Variants in RAB21 observed in about 807,000 individuals in gnomAD.
The protein encoded by RAB21 is RAB21, member RAS oncogene family.
A neutral mutation model predicts 33.1 loss-of-function variants in RAB21; 13 were observed. That is an observed-to-expected ratio of 0.39 (90% confidence interval 0.26 to 0.62). The LOEUF is 0.62. Ranked by LOEUF, RAB21 falls within the 20% of genes least tolerant of loss-of-function variation. The pLI, the probability that RAB21 is intolerant of heterozygous loss-of-function variation, is 0.48. For missense variants in RAB21, 234 were observed against 279.1 expected (o/e 0.84, Z 1.15); for synonymous variants, 91 against 103.7 (o/e 0.88, Z 0.74).
chr12:71,785,988 A>C lies in RAB21; in HGVS notation c.*315A>C, dbSNP rs185728614. On this transcript the variant is annotated 3_prime_UTR_variant, in exon 7 of 7. Transcript: ENST00000261263. ...TTGATCTCGGCTCACTGCAAGCTCC[A>C]CCTCCCAGGTTCACGCCATTCTCCT... 1 of 178,876 alleles carries C rather than the reference A, an allele frequency of 5.6e-6. No homozygotes were observed. The highest frequency in any genetic ancestry group is 1.1e-5 in the Non-Finnish European group (1 of 88,182). The allele number at this position is 178,876 out of a possible 1,614,324, so 11.1% of individuals were successfully genotyped here. A position where few individuals can be genotyped will look rare whatever the true frequency, so the allele number is the denominator to read the frequency against.
chr12:71,787,752 C>T lies in RAB21; in HGVS notation c.*2079C>T, dbSNP rs1263959087. 6.6e-6 allele frequency: 1 copy of T among 152,038 alleles called. No homozygotes were observed. The highest frequency in any genetic ancestry group is 1.5e-5 in the Non-Finnish European group (1 of 68,014). The allele number at this position is 152,038 out of a possible 1,614,324, so 9.4% of individuals were successfully genotyped here. On this transcript the variant is annotated 3_prime_UTR_variant, in exon 7 of 7. Transcript: ENST00000261263. ...TTGAGGAAGTTGGGGTGGGAAGAGT[C>T]AGGGAGATAAGCTAAAATTGTCTTC...
In RAB21 at chr12:71,793,096, T is replaced by C. The variant is rs1883410900; in HGVS notation, c.*7423T>C. On this transcript the variant is annotated 3_prime_UTR_variant, in exon 7 of 7. Transcript: ENST00000261263. ...CAAATTGCTTTTCCAAATTTTGTGG[T>C]AGCAGTGAATAAACTGATGCCTCCT... 1 of 152,248 alleles carries C rather than the reference T, an allele frequency of 6.6e-6. No individual in the cohort carries two copies. The highest frequency in any genetic ancestry group is 2.1e-4 in the South Asian group (1 of 4,832). The allele number at this position is 152,248 out of a possible 1,614,324, so 9.4% of individuals were successfully genotyped here.
Position 71,757,155 on chromosome 12 carries a change from C to T in RAB21, c.159+1867C>T, listed in dbSNP as rs11178934. ...GATAACTTGAGTCTTGCCCTGTCGCCCAGGCTGAAGTGCAGCAATTTCCAC... is the reference window on the plus strand; with the variant it reads ...GATAACTTGAGTCTTGCCCTGTCGCTCAGGCTGAAGTGCAGCAATTTCCAC... On this transcript the variant is annotated intron_variant, in intron 1 of 6. Coordinates refer to ENST00000261263, the MANE Select transcript of RAB21 (RefSeq NM_014999.4). 2.0e-4 allele frequency among the ~76,000 whole-genome samples: 30 copies of T among 152,132 alleles called. No individual in the cohort carries two copies. The East Asian group carries it at 3.1e-3, about 16-fold the overall frequency.
rs1883214405 is a variant in RAB21, at chr12:71,782,377, A to C, written c.447-193A>C. The C allele has an allele frequency of 5.8e-6, 3 of 516,110 alleles. No homozygotes were observed. In the South Asian group the frequency reaches 1.2e-4, roughly 20 times the overall value. 32.0% of individuals were successfully genotyped at this position (516,110 alleles called of 1,614,324 possible). A position where few individuals can be genotyped will look rare whatever the true frequency, so the allele number is the denominator to read the frequency against. The stretch of plus-strand genomic sequence containing the variant: ...TTGAGTCCCAAATTAATCTATAAAA[A>C]TTTCGAGGCTTGTTATATTTGTGTT... On this transcript the variant is annotated intron_variant, in intron 5 of 6. Transcript: ENST00000261263.
chr12:71,771,101 C>T (rs1883035739), intron 3 of RAB21, among the ~76,000 whole-genome samples: 1 of 152,114 alleles, frequency 6.6e-6, no homozygotes, highest in Non-Finnish European at 1.5e-5. Context: ...GGACGGGTTC[C>T]TTTATTGTGA....
Position 71,788,082 on chromosome 12 carries a change from C to G in RAB21, c.*2409C>G, listed in dbSNP as rs1386068747. ...GGAGGATCACTTGAGGCCAGGATTTCAAATCCAGCCTAGGTAACACTGAGA... is the reference window on the plus strand; with the variant it reads ...GGAGGATCACTTGAGGCCAGGATTTGAAATCCAGCCTAGGTAACACTGAGA... On this transcript the variant is annotated 3_prime_UTR_variant, in exon 7 of 7. Transcript: ENST00000261263. 2.0e-5 allele frequency: 3 copies of G among 152,070 alleles called. No individual in the cohort carries two copies. Among genetic ancestry groups the G allele is most frequent in the Non-Finnish European group, 2.9e-5 (2 of 68,020 alleles). The allele number at this position is 152,070 out of a possible 1,614,324, so 9.4% of individuals were successfully genotyped here.
At chr12:71,770,254 C>T (rs977209743) in intron 2 of RAB21, among the ~76,000 whole-genome samples, 5 of 152,132 alleles carry the variant, frequency 3.3e-5, no homozygotes, top group Admixed American at 1.3e-4. Context: ...GGAACTTAAA[C>T]TTAGGGCAGA....
chr12:71,760,791 C>G (rs186430987), intron 1 of RAB21, among the ~76,000 whole-genome samples: 82 of 151,966 alleles, frequency 5.4e-4, no homozygotes, highest in African/African-American at 1.8e-3. Flanking sequence ...TTTAGAGTCC[C>G]AACTATAGAA....
At position 71,776,183 on chromosome 12, in the gene RAB21, A is replaced by G. The variant is rs115682275; in HGVS notation, c.391+2161A>G. 4.9e-3 allele frequency among the ~76,000 whole-genome samples: 746 copies of G among 152,356 alleles called. 8 individuals are homozygous for G. Among genetic ancestry groups the G allele is most frequent in the African/African-American group, 0.017 (711 of 41,574 alleles). ...GATCATCTTTCTGAAGATAGAAATT[A>G]CTAACACATACATAAAGTCAAGGAA... On this transcript the variant is annotated intron_variant, in intron 4 of 6. Transcript: ENST00000261263.
At chr12:71,779,514 GT>G (rs59796981) in intron 4 of RAB21, among the ~76,000 whole-genome samples, 5,274 of 152,190 alleles carry the variant, frequency 0.035, 304 homozygotes, top group African/African-American at 0.12. Context: ...TTAAAAACAA[GT>G]TTTATCACAT....
chr12:71,772,878 A>G (rs1470105229), intron 3 of RAB21, among the ~76,000 whole-genome samples: 1 of 152,224 alleles, frequency 6.6e-6, no homozygotes, highest in African/African-American at 2.4e-5. Context: ...CTTTGCTTTT[A>G]TAAGGATTTT....
chr12:71,799,177 G>T lies in RAB21; in HGVS notation c.*13504G>T, dbSNP rs146532193. On this transcript the variant is annotated 3_prime_UTR_variant, in exon 7 of 7. Transcript: ENST00000261263. The stretch of plus-strand genomic sequence containing the variant: ...TCCAGCTTCCCAGGAGTGAAAGGTT[G>T]TAGTGGCTGGCCTCTGGTTCCCAGC... 1.8e-3 allele frequency: 277 copies of T among 152,340 alleles called. 1 individual carries two copies. The highest frequency in any genetic ancestry group is 2.8e-3 in the Non-Finnish European group (192 of 68,034). 9.4% of individuals were successfully genotyped at this position (152,340 alleles called of 1,614,324 possible). A position where few individuals can be genotyped will look rare whatever the true frequency, so the allele number is the denominator to read the frequency against.
In RAB21 at chr12:71,791,993, T is replaced by TAA. The variant is rs1483425744; in HGVS notation, c.*6321_*6322insAA. ...AATCCTCCCACCTCAGACTTCGAAG[T>TAA]AGCTGGTATTACAGGTGCATAACAC... On this transcript the variant is annotated 3_prime_UTR_variant, in exon 7 of 7. Coordinates refer to ENST00000261263, the MANE Select transcript of RAB21 (RefSeq NM_014999.4). The TAA allele has an allele frequency of 2.6e-5, 4 of 152,168 alleles. No homozygotes were observed. Among genetic ancestry groups the TAA allele is most frequent in the African/African-American group, 9.7e-5 (4 of 41,420 alleles). 9.4% of individuals were successfully genotyped at this position (152,168 alleles called of 1,614,324 possible).
chr12:71,755,436 C>A, intron 1 of RAB21, 148 bp downstream of exon 1: 1 of 1,015,180 alleles, frequency 9.9e-7, no homozygotes, highest in Non-Finnish European at 1.3e-6. Context: ...CGAATTCGCC[C>A]TGGGGAATCA....
rs1455637724 is a variant in RAB21 at position 71,786,064 on chromosome 12, G to C, written c.*391G>C. ...CTATAGGCGCCCACCACGACGCCCG[G>C]CTAATTTTTTGTATTTTTAGTAGAG... On this transcript the variant is annotated 3_prime_UTR_variant, in exon 7 of 7. Transcript: ENST00000261263. 6.4e-6 allele frequency: 1 copy of C among 155,950 alleles called. No homozygotes were observed. The allele number at this position is 155,950 out of a possible 1,614,324, so 9.7% of individuals were successfully genotyped here.
chr12:71,788,037 CT>C lies in RAB21; in HGVS notation c.*2365del, dbSNP rs1883320867. On this transcript the variant is annotated 3_prime_UTR_variant, in exon 7 of 7. Transcript: ENST00000261263. Reference sequence around the variant, plus strand: ...CAGAGGCATGCATTTGTAGGGCCAGCTACTTGGGAGAGTGAGGCAGGAGGAT... The same window carrying C: ...CAGAGGCATGCATTTGTAGGGCCAGCACTTGGGAGAGTGAGGCAGGAGGAT... 1 of 152,108 alleles carries C rather than the reference CT, an allele frequency of 6.6e-6. No individual in the cohort carries two copies. Among genetic ancestry groups the C allele is most frequent in the Non-Finnish European group, 1.5e-5 (1 of 68,028 alleles). The allele number at this position is 152,108 out of a possible 1,614,324, so 9.4% of individuals were successfully genotyped here. A position where few individuals can be genotyped will look rare whatever the true frequency, so the allele number is the denominator to read the frequency against.
At chr12:71,759,113 T>G (rs1025685530) in intron 1 of RAB21, among the ~76,000 whole-genome samples, 7 of 152,248 alleles carry the variant, frequency 4.6e-5, no homozygotes, top group African/African-American at 1.4e-4. Context: ...TTCTTTTGTT[T>G]CTAATATACT....
At chr12:71,767,795 C>T (rs2137645318) in intron 1 of RAB21, among the ~76,000 whole-genome samples, 1 of 152,272 alleles carries the variant, frequency 6.6e-6, no homozygotes, top group South Asian at 2.1e-4. Context: ...TCGGTTCAGT[C>T]TTTCTTACAT....
In RAB21 at chr12:71,769,878, C is replaced by G; in HGVS notation, c.219+19C>G. The G allele has an allele frequency of 7.7e-7, 1 of 1,291,208 alleles. No homozygotes were observed. Among genetic ancestry groups the G allele is most frequent in the African/African-American group, 1.6e-5 (1 of 64,328 alleles). 80.0% of individuals were successfully genotyped at this position (1,291,208 alleles called of 1,614,324 possible). ...CATATGGGTAAGTGAACTTTTTCAACTATTATGCGTGGAGGCTTCTTCCTT... is the reference window on the plus strand; with the variant it reads ...CATATGGGTAAGTGAACTTTTTCAAGTATTATGCGTGGAGGCTTCTTCCTT... On this transcript the variant is annotated intron_variant, in intron 2 of 6. Coordinates refer to ENST00000261263, the MANE Select transcript of RAB21 (RefSeq NM_014999.4).
Sources: allele counts gnomAD v4.1 joint callset (sites outside exome capture counted in the v4.1 genomes callset), GRCh38; gene constraint gnomAD v4.1.1; transcripts MANE v1.5; gene names NCBI Gene and HGNC (gene_info 2026-07-23, HGNC 2026-07-21).